RGS3: variants seen among roughly 807,000 people sequenced by gnomAD.
RGS3 encodes regulator of G protein signaling 3.
A neutral mutation model predicts 132.6 loss-of-function variants in RGS3; 80 were observed. The ratio of observed to expected loss-of-function variants is 0.60; its 90% CI spans 0.50 to 0.73. The LOEUF is 0.73. RGS3 is among the 30% of genes least tolerant of loss of function. RGS3 has a pLI of 0.00. For missense variants in RGS3, 1,382 were observed against 1,530.8 expected (o/e 0.90, Z 1.62); for synonymous variants, 598 against 620.6 (o/e 0.96, Z 0.54).
chr9:113,461,653 T>C, intron 1 of RGS3: 1 of 1,557,692 alleles, frequency 6.4e-7, no homozygotes, highest in Non-Finnish European at 8.7e-7. Context: ...AGAATCTTTG[T>C]TCCCATTACC....
chr9:113,477,518 C>G (rs1158812903), intron 3 of RGS3, among the ~76,000 whole-genome samples: 1 of 152,082 alleles, frequency 6.6e-6, no homozygotes, highest in Non-Finnish European at 1.5e-5. Context: ...GTTCTCTAAC[C>G]AGAAACAAAG....
intron 20 of RGS3, among the ~76,000 whole-genome samples, chr9:113,587,522 C>T (rs961298012): frequency 3.9e-5 from 6 of 152,172 alleles, no homozygotes; most frequent in Non-Finnish European, 8.8e-5. Context: ...CGGAGTCCCC[C>T]GGGAGTTGTC....
At chr9:113,504,049 C>T (rs1156406736) in intron 10 of RGS3, among the ~76,000 whole-genome samples, 2 of 152,160 alleles carry the variant, frequency 1.3e-5, no homozygotes, top group East Asian at 1.9e-4. Context: ...AATCCAGGCC[C>T]GGGGCTGGTG....
At chr9:113,462,668 C>T (rs772394681) in intron 3 of RGS3, among the ~76,000 whole-genome samples, 4 of 152,184 alleles carry the variant, frequency 2.6e-5, no homozygotes, top group Non-Finnish European at 4.4e-5. Context: ...ACTTATTAGA[C>T]TTACCGTGAA....
intron 19 of RGS3, among the ~76,000 whole-genome samples, chr9:113,539,434 C>T (rs10981813): frequency 6.6e-5 from 10 of 152,246 alleles, no homozygotes; most frequent in Non-Finnish European, 1.2e-4. Context: ...CTCAGCCTCC[C>T]GAGTAGCTGG....
chr9:113,543,638 G>A (rs1461392583), intron 19 of RGS3, among the ~76,000 whole-genome samples: 3 of 152,192 alleles, frequency 2.0e-5, no homozygotes, highest in Non-Finnish European at 2.9e-5. Context: ...CAGGAGACTC[G>A]CCTGTCTGGG....
intron 19 of RGS3, among the ~76,000 whole-genome samples, chr9:113,555,229 C>A (rs567905325): frequency 1.2e-4 from 19 of 152,108 alleles, no homozygotes; most frequent in African/African-American, 4.3e-4. Context: ...CAAGGCCAAC[C>A]CCTATTATTC....
chr9:113,502,593 G>A (rs1278578027), intron 10 of RGS3, among the ~76,000 whole-genome samples: 1 of 152,230 alleles, frequency 6.6e-6, no homozygotes, highest in Non-Finnish European at 1.5e-5. Flanking sequence ...TGCGACACTA[G>A]CGTCTGGATG....
At chr9:113,530,432 A>T (rs1371692132) in intron 18 of RGS3, among the ~76,000 whole-genome samples, 1 of 152,248 alleles carries the variant, frequency 6.6e-6, no homozygotes, top group Non-Finnish European at 1.5e-5. Flanking sequence ...TGTCAGGCAC[A>T]TTCCCCCGGA....
At chr9:113,493,398 T>A (rs1260984451) in intron 7 of RGS3, among the ~76,000 whole-genome samples, 1 of 152,100 alleles carries the variant, frequency 6.6e-6, no homozygotes, top group Non-Finnish European at 1.5e-5. Context: ...CTGAAGGAGC[T>A]GGGAGCAGGA....
chr9:113,446,129 A>G (rs1379122269), intron 1 of RGS3, among the ~76,000 whole-genome samples: 1 of 152,352 alleles, frequency 6.6e-6, no homozygotes, highest in African/African-American at 2.4e-5. Flanking sequence ...GGCCTTAGAT[A>G]GAAATGATTA....
chr9:113,547,406 G>A (rs1833160548), intron 19 of RGS3, among the ~76,000 whole-genome samples: 2 of 152,266 alleles, frequency 1.3e-5, no homozygotes, highest in South Asian at 4.1e-4. Flanking sequence ...CTCTCCCCTA[G>A]AGGTGCTTCT....
intron 3 of RGS3, among the ~76,000 whole-genome samples, chr9:113,464,336 T>C (rs950259249): frequency 2.6e-5 from 4 of 152,326 alleles, no homozygotes; most frequent in African/African-American, 9.6e-5. Context: ...TTTGACTTTG[T>C]TGGGTATCTG....
chr9:113,544,533 G>A (rs1833030907), intron 19 of RGS3, among the ~76,000 whole-genome samples: 1 of 152,036 alleles, frequency 6.6e-6, no homozygotes. Flanking sequence ...GTCACACATG[G>A]CACCAAGGCA....
chr9:113,583,754 A>T, exon 20 of RGS3: 3 of 1,614,016 alleles, frequency 1.9e-6, no homozygotes. Flanking sequence ...CCCTGCCAGG[A>T]CCTACCTGCT....
At chr9:113,505,874 A>G (rs1418093620) in intron 11 of RGS3, among the ~76,000 whole-genome samples, 2 of 152,238 alleles carry the variant, frequency 1.3e-5, no homozygotes, top group African/African-American at 2.4e-5. Flanking sequence ...GAGCCTGATC[A>G]GCACTTAAAA....
intron 19 of RGS3, among the ~76,000 whole-genome samples, chr9:113,544,266 C>T (rs2118686354): frequency 6.6e-6 from 1 of 151,526 alleles, no homozygotes; most frequent in South Asian, 2.1e-4. Context: ...TTTAGTTCCC[C>T]ACACACCCCC....
chr9:113,559,202 A>ACACTTCCCAGGAAC (rs1564568670), intron 19 of RGS3, among the ~76,000 whole-genome samples: 1 of 152,210 alleles, frequency 6.6e-6, no homozygotes, highest in African/African-American at 2.4e-5. Context: ...TCTGTGCTGA[A>ACACTTCCCAGGAAC]CACTTCCCAG....
At chr9:113,562,293 T>C (rs913231529) in intron 19 of RGS3, among the ~76,000 whole-genome samples, 2 of 152,022 alleles carry the variant, frequency 1.3e-5, no homozygotes, top group African/African-American at 4.8e-5. Context: ...CTGGCCAACA[T>C]GGTGAAACCC....
Sources: allele counts gnomAD v4.1 joint callset (sites outside exome capture counted in the v4.1 genomes callset), GRCh38; gene constraint gnomAD v4.1.1; transcripts MANE v1.5; gene names NCBI Gene and HGNC (gene_info 2026-07-23, HGNC 2026-07-21).